The following ZNF420 variants were observed in gnomAD, a reference collection of about 807,000 sequenced individuals.
ZNF420 encodes the protein zinc finger protein 420, also known as ATM and p53-associated KZNF protein.
A neutral mutation model predicts 44.7 loss-of-function variants in ZNF420; 31 were observed. That is an observed-to-expected ratio of 0.69 (90% CI 0.52 to 0.94). The LOEUF is 0.94. Among genes scored for constraint, ZNF420 ranks in the 40% least tolerant of loss-of-function variants. The probability of loss-of-function intolerance (pLI) is 0.00; values close to 1 mark genes in which losing one functional copy is unlikely to be tolerated. For synonymous variants in ZNF420, 245 were observed against 267.4 expected, an observed-to-expected ratio of 0.92 and a Z score of 0.82; for missense variants, 681 against 827.9, an observed-to-expected ratio of 0.82 and a Z score of 2.18.
chr19:37,050,565 T>G (rs9630867), intron 1 of ZNF420, among the ~76,000 whole-genome samples: 26,903 of 152,122 alleles, frequency 0.18, 2,595 homozygotes, highest in African/African-American at 0.26. Flanking sequence ...CATTGATTTT[T>G]TATCCTGAGA....
chr19:37,100,141 CAG>C (rs1349596125), intron 4 of ZNF420, among the ~76,000 whole-genome samples: 2 of 152,128 alleles, frequency 1.3e-5, no homozygotes, highest in African/African-American at 2.4e-5. Context: ...AGTGGTGAGA[CAG>C]GGGTCTAGTT....
chr19:37,078,848 G>A (rs1264320723), intron 1 of ZNF420, among the ~76,000 whole-genome samples: 3 of 152,174 alleles, frequency 2.0e-5, no homozygotes, highest in Non-Finnish European at 4.4e-5. Context: ...TATAATTGGG[G>A]TTTGCCTGTG....
chr19:37,104,388 A>G (rs557228259), intron 4 of ZNF420, among the ~76,000 whole-genome samples: 1 of 152,012 alleles, frequency 6.6e-6, no homozygotes, highest in Non-Finnish European at 1.5e-5. Flanking sequence ...TCTATCATTG[A>G]TGGACATTTG....
intron 1 of ZNF420, among the ~76,000 whole-genome samples, chr19:37,058,066 T>G (rs1967791767): frequency 6.6e-6 from 1 of 152,178 alleles, no homozygotes; most frequent in South Asian, 2.1e-4. Flanking sequence ...GTCCTCCCTC[T>G]TGCTCTGTCT....
chr19:37,012,733 G>A (rs917819758), intron 1 of ZNF420, among the ~76,000 whole-genome samples: 4 of 152,032 alleles, frequency 2.6e-5, no homozygotes, highest in Admixed American at 2.0e-4. Flanking sequence ...GGTTGCCTGG[G>A]GGGGTGTGCT....
chr19:37,055,548 C>A (rs543694994), intron 1 of ZNF420, among the ~76,000 whole-genome samples: 3 of 152,336 alleles, frequency 2.0e-5, no homozygotes, highest in Admixed American at 2.0e-4. Context: ...CCACGCAGAG[C>A]CGAAACCGTT....
At chr19:37,067,211 G>T (rs568958917) in intron 1 of ZNF420, among the ~76,000 whole-genome samples, 13 of 152,236 alleles carry the variant, frequency 8.5e-5, no homozygotes, top group Admixed American at 4.6e-4. Flanking sequence ...TCTTCACTTT[G>T]ACAGGATTTT....
At chr19:37,041,039 C>T (rs1225234760) in intron 1 of ZNF420, among the ~76,000 whole-genome samples, 2 of 151,896 alleles carry the variant, frequency 1.3e-5, no homozygotes, top group African/African-American at 2.4e-5. Flanking sequence ...AAAAAAAAAT[C>T]CCAGCCGGGC....
chr19:37,042,400 A>G lies in ZNF420; in HGVS notation c.-125+34318A>G, dbSNP rs531218505. Among the ~76,000 whole-genome samples the G allele has an allele frequency of 2.0e-5, 3 of 152,372 alleles. No individual in the cohort carries two copies. In the East Asian group the frequency reaches 5.8e-4, roughly 29 times the overall value. On this transcript the variant is annotated intron_variant, in intron 1 of 4. Transcript: ENST00000587029. ...ATAGTCTTTAATGTGTTCATCACAA[A>G]TGAGAACTTGAGAACTACAAACTAG...
Position 37,128,859 on chromosome 19 carries a change from C to T in ZNF420, c.1868C>T (p.Ala623Val). Residue 623 changes from alanine (A) to valine (V), a missense_variant, in exon 5 of 5, where the codon GCC (alanine) becomes GTC (valine). By Grantham distance (64) the Ala-to-Val change is moderately conservative (BLOSUM62 0). Around this residue, in one of 3 missense-constraint regions of ZNF420, gnomAD observed 280 missense variants for 338.6 expected, o/e 0.83. Coordinates refer to ENST00000337995, the MANE Select transcript of ZNF420 (RefSeq NM_144689.5). Reference protein sequence around the residue: ...KPYECRECRKAFTQSSHLSRH... With the variant: ...KPYECRECRKVFTQSSHLSRH... ...TATGAATGCAGAGAATGTAGAAAGG[C>T]CTTTACTCAGAGTTCACATCTTTCT... is the stretch of plus-strand genomic sequence containing the variant. 6.2e-7 allele frequency: 1 copy of T among 1,613,676 alleles called. No individual in the cohort carries two copies. The highest frequency in any genetic ancestry group is 1.3e-5 in the African/African-American group (1 of 74,842).
rs34839210 is a variant in ZNF420, at chr19:37,129,747, T to TA, written c.*702dup. 6,604 of 167,082 alleles carry TA rather than the reference T, an allele frequency of 0.04. 349 individuals are homozygous for TA. The highest frequency in any genetic ancestry group is 0.12 in the African/African-American group (4,907 of 39,826). 10.3% of individuals were successfully genotyped at this position (167,082 alleles called of 1,614,324 possible). On this transcript the variant is annotated 3_prime_UTR_variant, in exon 5 of 5. Coordinates refer to ENST00000337995, the MANE Select transcript of ZNF420 (RefSeq NM_144689.5). The stretch of plus-strand genomic sequence containing the variant: ...CCAGTGGATATAATCAGTGTATTAT[T>TA]AAAAAAAAAAAAACCCAGTGGATGT...
chr19:37,042,348 G>T (rs1967470859), intron 1 of ZNF420, among the ~76,000 whole-genome samples: 1 of 152,218 alleles, frequency 6.6e-6, no homozygotes, highest in Non-Finnish European at 1.5e-5. Context: ...TTACAAGTAA[G>T]AATCATCCTG....
intron 1 of ZNF420, among the ~76,000 whole-genome samples, chr19:37,069,499 C>T (rs1432202181): frequency 1.3e-5 from 2 of 151,990 alleles, no homozygotes; most frequent in East Asian, 3.9e-4. Context: ...AATGCTTTTA[C>T]CTAACCTACC....
At chr19:37,038,397 C>T (rs1448142555) in intron 1 of ZNF420, among the ~76,000 whole-genome samples, 1 of 152,124 alleles carries the variant, frequency 6.6e-6, no homozygotes, top group African/African-American at 2.4e-5. Flanking sequence ...ATGTAGTTTG[C>T]TGCATTGATT....
In ZNF420 at chr19:37,130,063, A is replaced by T. The variant is rs1175959737; in HGVS notation, c.*1005A>T. 1 of 1,549,698 alleles carries T rather than the reference A, an allele frequency of 6.5e-7. No homozygotes were observed. The highest frequency in any genetic ancestry group is 8.7e-7 in the Non-Finnish European group (1 of 1,146,714). ...CTTCCTTGCAGGTCAACAAGATAGA[A>T]GTGATATTTATATGAGTAGGAGATT... On this transcript the variant is annotated 3_prime_UTR_variant, in exon 5 of 5. Transcript: ENST00000337995.
At chr19:37,038,366 A>G (rs1053203268) in intron 1 of ZNF420, among the ~76,000 whole-genome samples, 13 of 152,230 alleles carry the variant, frequency 8.5e-5, no homozygotes, top group African/African-American at 3.1e-4. Flanking sequence ...GGGTGTGGCA[A>G]TTCCTTAAAA....
chr19:37,071,756 C>G (rs546999373), intron 1 of ZNF420, among the ~76,000 whole-genome samples: 4 of 152,120 alleles, frequency 2.6e-5, no homozygotes, highest in African/African-American at 9.6e-5. Context: ...AGCTGAGATC[C>G]TGCCACTGCA....
At chr19:37,114,146 C>T (rs1049971322) in intron 4 of ZNF420, among the ~76,000 whole-genome samples, 1 of 152,140 alleles carries the variant, frequency 6.6e-6, no homozygotes, top group African/African-American at 2.4e-5. Context: ...GCCTCGGTAT[C>T]TCCTTGTTTT....
chr19:37,092,232 G>A (rs1969191785), intron 4 of ZNF420: 1 of 152,138 alleles, frequency 6.6e-6, no homozygotes, highest in Non-Finnish European at 1.5e-5. Flanking sequence ...CCCAAGTGGT[G>A]TGGAAAAAAA....
Sources: gnomAD v4.1 joint callset for allele counts (sites outside exome capture counted in the v4.1 genomes callset) on GRCh38, gnomAD v4.1.1 for gene constraint, gnomAD v4.1.1 regional missense constraint, MANE v1.5 for transcripts, NCBI Gene and HGNC (gene_info 2026-07-23, HGNC 2026-07-21) for gene names.